Variants in PCDHA9 observed in about 807,000 individuals in gnomAD.
PCDHA9 encodes protocadherin alpha-9.
Under a neutral mutation model 62.0 loss-of-function variants are expected in PCDHA9, and 62 were observed. The observed-to-expected ratio is 1.00, with a 90% CI of 0.81 to 1.23. PCDHA9 has a LOEUF of 1.23. Ranked by LOEUF, PCDHA9 falls within the 50% of genes most tolerant of loss-of-function variation. PCDHA9 has a pLI of 0.00. For synonymous variants in PCDHA9, 557 were observed against 567.6 expected, an observed-to-expected ratio of 0.98 and a Z score of 0.27; for missense variants, 1,205 against 1,249.8, an observed-to-expected ratio of 0.96 and a Z score of 0.54.
chr5:140,868,981 G>T, intron 1 of PCDHA9: 1 of 1,492,270 alleles, frequency 6.7e-7, no homozygotes, highest in Non-Finnish European at 9.0e-7. Context: ...CATCATACCG[G>T]ATGCCACCGT....
intron 1 of PCDHA9, among the ~76,000 whole-genome samples, chr5:140,948,234 T>G (rs1011132417): frequency 6.6e-6 from 1 of 151,670 alleles, no homozygotes; most frequent in African/African-American, 2.4e-5. Flanking sequence ...TTAACTTGTA[T>G]TTTAGTAAAT....
At chr5:140,883,296 TA>T (rs1389927639) in intron 1 of PCDHA9, 1 of 1,613,994 alleles carries the variant, frequency 6.2e-7, no homozygotes, top group African/African-American at 1.3e-5. Flanking sequence ...GTACTAGATG[TA>T]AATGATAACG....
chr5:140,860,083 G>T (rs781794157), intron 1 of PCDHA9: 12 of 151,782 alleles, frequency 7.9e-5, no homozygotes, highest in Non-Finnish European at 1.5e-4. Context: ...GAGGCCAGGA[G>T]TTCAAGACCA....
chr5:140,871,223 C>G (rs1009797322), intron 1 of PCDHA9: 6 of 1,613,892 alleles, frequency 3.7e-6, no homozygotes, highest in Non-Finnish European at 3.4e-6. Context: ...TGCGTGGTGT[C>G]CAGCCTCCTG....
intron 1 of PCDHA9, among the ~76,000 whole-genome samples, chr5:140,885,102 G>A (rs2060467065): frequency 6.6e-6 from 1 of 151,970 alleles, no homozygotes; most frequent in Non-Finnish European, 1.5e-5. Flanking sequence ...TCACATAAAT[G>A]CTTTTTTTAA....
intron 1 of PCDHA9, among the ~76,000 whole-genome samples, chr5:140,950,457 A>C (rs1392302571): frequency 6.6e-6 from 1 of 152,048 alleles, no homozygotes; most frequent in Non-Finnish European, 1.5e-5. Flanking sequence ...ACTGTCTTCT[A>C]ATGCTCATAG....
At chr5:140,895,829 C>T (rs2065183021) in intron 1 of PCDHA9, among the ~76,000 whole-genome samples, 1 of 151,878 alleles carries the variant, frequency 6.6e-6, no homozygotes, top group African/African-American at 2.4e-5. Context: ...GTATTTTTTT[C>T]AGACAAAGTC....
intron 1 of PCDHA9, chr5:140,851,862 A>G: frequency 2.0e-6 from 2 of 976,238 alleles, no homozygotes; most frequent in Non-Finnish European, 2.5e-6. Context: ...CAGCTCATAC[A>G]TAACACAAGG....
intron 1 of PCDHA9, among the ~76,000 whole-genome samples, chr5:140,926,161 A>C (rs1205520517): frequency 6.6e-6 from 1 of 151,712 alleles, no homozygotes. Flanking sequence ...GCTCTGCAGC[A>C]GGATCCAGCG....
At chr5:140,902,509 A>G (rs1242435474) in intron 1 of PCDHA9, among the ~76,000 whole-genome samples, 2 of 152,056 alleles carry the variant, frequency 1.3e-5, no homozygotes, top group Non-Finnish European at 2.9e-5. Context: ...TGAGTCTGTC[A>G]TATATGGTTT....
intron 1 of PCDHA9, among the ~76,000 whole-genome samples, chr5:140,881,178 G>A (rs924852150): frequency 2.0e-5 from 3 of 152,098 alleles, no homozygotes; most frequent in African/African-American, 7.2e-5. Flanking sequence ...TCTTTTCCTT[G>A]CTAAAGATAT....
In PCDHA9 at chr5:140,849,917, C is replaced by A. The variant is rs2150457519; in HGVS notation, c.1422C>A (p.Ile474=). ...AGAACAACCCGCCGGGCTGCCACATCTTCACGGTGTCTGCGCGGGACGCTG... is the reference window on the plus strand; with the variant it reads ...AGAACAACCCGCCGGGCTGCCACATATTCACGGTGTCTGCGCGGGACGCTG... ...VKENNPPGCH[I]FTVSARDADA... is the part of the protein sequence containing the mutation. The change falls in exon 1 of 4, where the codon ATC becomes ATA. Residue 474 remains isoleucine, a synonymous_variant. Coordinates refer to ENST00000532602, the MANE Select transcript of PCDHA9 (RefSeq NM_031857.2). 7 of 1,598,228 alleles carry A rather than the reference C, an allele frequency of 4.4e-6. No individual in the cohort carries two copies. In the South Asian group the frequency reaches 7.7e-5, roughly 18 times the overall value.
intron 1 of PCDHA9, among the ~76,000 whole-genome samples, chr5:140,906,929 C>T (rs1488297059): frequency 3.9e-5 from 6 of 152,122 alleles, no homozygotes; most frequent in African/African-American, 9.7e-5. Flanking sequence ...AAAAGTGTCC[C>T]GGTGTCAATC....
intron 2 of PCDHA9, 176 bp downstream of exon 2, chr5:140,979,183 G>C (rs2096838721): frequency 1.1e-6 from 1 of 925,482 alleles, no homozygotes; most frequent in Admixed American, 6.2e-5. Context: ...CAAATGGTCA[G>C]TGCCAGATGC....
chr5:140,862,826 G>A lies in PCDHA9; in HGVS notation c.2394+11937G>A, dbSNP rs112986835. ...CTGCTGCAGTTCTAGGTGAGAGCGCGCGACGCGGGCATGCCGCCTCTGAGC... is the reference window on the plus strand; with the variant it reads ...CTGCTGCAGTTCTAGGTGAGAGCGCACGACGCGGGCATGCCGCCTCTGAGC... On this transcript the variant is annotated intron_variant, in intron 1 of 3. Coordinates refer to ENST00000532602, the MANE Select transcript of PCDHA9 (RefSeq NM_031857.2). The A allele has an allele frequency of 1.9e-3, 1,106 of 575,060 alleles. 11 individuals carry two copies. Among genetic ancestry groups the A allele is most frequent in the African/African-American group, 0.019 (990 of 53,212 alleles). The allele number at this position is 575,060 out of a possible 1,614,324, so 35.6% of individuals were successfully genotyped here.
intron 3 of PCDHA9, among the ~76,000 whole-genome samples, chr5:140,994,127 A>T (rs536865883): frequency 6.6e-6 from 1 of 152,348 alleles, no homozygotes; most frequent in South Asian, 2.1e-4. Flanking sequence ...GATAAGGGCG[A>T]CAATAATGCC....
chr5:140,969,005 G>A (rs149076230), intron 1 of PCDHA9: 1 of 1,614,168 alleles, frequency 6.2e-7, no homozygotes, highest in Non-Finnish European at 8.5e-7. Flanking sequence ...AGGCTTCTGT[G>A]GAGTAAGGGA....
At chr5:140,982,823 G>A (rs1187029355) in intron 3 of PCDHA9, among the ~76,000 whole-genome samples, 2 of 151,450 alleles carry the variant, frequency 1.3e-5, no homozygotes, top group South Asian at 2.1e-4. Context: ...GAAGTTTTTG[G>A]GGTTTGTTTG....
At chr5:140,962,543 G>A (rs962454688) in intron 1 of PCDHA9, among the ~76,000 whole-genome samples, 1 of 152,176 alleles carries the variant, frequency 6.6e-6, no homozygotes, top group African/African-American at 2.4e-5. Flanking sequence ...AACTAAAAAT[G>A]TAGAGGATCT....
Sources: gnomAD v4.1 joint callset for allele counts (sites outside exome capture counted in the v4.1 genomes callset) on GRCh38, gnomAD v4.1.1 for gene constraint, MANE v1.5 for transcripts, NCBI Gene and HGNC (gene_info 2026-07-23, HGNC 2026-07-21) for gene names.